LHFPL2: variants seen among roughly 807,000 people sequenced by gnomAD.
The protein encoded by LHFPL2 is LHFPL tetraspan subfamily member 2.
A neutral mutation model predicts 17.5 loss-of-function variants in LHFPL2; 7 were observed. The ratio of observed to expected loss-of-function variants is 0.40; its 90% CI spans 0.23 to 0.75. LHFPL2 has a LOEUF of 0.75. Among genes scored for constraint, LHFPL2 ranks in the 30% least tolerant of loss-of-function variants. The pLI is 0.37. For missense variants in LHFPL2, 241 were observed against 294.8 expected (o/e 0.82, Z 1.34); for synonymous variants, 134 against 116.2 (o/e 1.15, Z -0.99).
At chr5:78,572,498 GTA>G (rs138995749) in intron 2 of LHFPL2, among the ~76,000 whole-genome samples, 69,160 of 146,800 alleles carry the variant, frequency 0.47, 16,496 homozygotes, top group African/African-American at 0.57. Context: ...ATATATGTGT[GTA>G]TATATATATA....
chr5:78,562,477 A>T (rs552545944), intron 3 of LHFPL2, among the ~76,000 whole-genome samples: 1 of 152,296 alleles, frequency 6.6e-6, no homozygotes, highest in East Asian at 1.9e-4. Flanking sequence ...TCTGCTAAAA[A>T]TACAAAAATT....
At chr5:78,562,157 G>T (rs185476921) in intron 3 of LHFPL2, among the ~76,000 whole-genome samples, 1 of 152,272 alleles carries the variant, frequency 6.6e-6, no homozygotes, top group East Asian at 1.9e-4. Flanking sequence ...CGTATCACAC[G>T]CATTCCCATC....
intron 2 of LHFPL2, among the ~76,000 whole-genome samples, chr5:78,613,577 AAATAG>A (rs1744490140): frequency 1.3e-5 from 1 of 74,646 alleles, no homozygotes; most frequent in Admixed American, 1.3e-4. Flanking sequence ...GTCTGGAATA[AAATAG>A]ATGCTAATTA....
chr5:78,560,897 C>T (rs761664380), intron 3 of LHFPL2, among the ~76,000 whole-genome samples: 7 of 152,114 alleles, frequency 4.6e-5, no homozygotes, highest in Non-Finnish European at 8.8e-5. Flanking sequence ...TAGAACAGCA[C>T]TGTGCAATAA....
At chr5:78,517,732 C>T (rs1282302318) in intron 3 of LHFPL2, among the ~76,000 whole-genome samples, 1 of 152,186 alleles carries the variant, frequency 6.6e-6, no homozygotes, top group Non-Finnish European at 1.5e-5. Context: ...GGGTCCCTCC[C>T]ATGACATGTG....
In LHFPL2 at chr5:78,496,147, C is replaced by T. The variant is rs2112296473; in HGVS notation, c.431-6994G>A. 1.3e-5 allele frequency among the ~76,000 whole-genome samples: 2 copies of T among 152,344 alleles called. 1 individual carries two copies. Among genetic ancestry groups the T allele is most frequent in the Middle Eastern group, 6.8e-3 (2 of 294 alleles). On this transcript the variant is annotated intron_variant, in intron 4 of 4. Transcript: ENST00000380345. ...TTATTCAATAGCTGTTTACTGAGGG[C>T]ATTACTCTCAACCCTGATGATACAA...
At chr5:78,495,030 A>G (rs1053170652) in intron 4 of LHFPL2, among the ~76,000 whole-genome samples, 1 of 152,236 alleles carries the variant, frequency 6.6e-6, no homozygotes, top group African/African-American at 2.4e-5. Context: ...GAATCAAATA[A>G]TGGGATATCA....
At chr5:78,521,450 A>C (rs981241542) in intron 3 of LHFPL2, among the ~76,000 whole-genome samples, 1 of 152,256 alleles carries the variant, frequency 6.6e-6, no homozygotes, top group African/African-American at 2.4e-5. Context: ...CTGGTGATTA[A>C]GCTACTGAGA....
intron 3 of LHFPL2, among the ~76,000 whole-genome samples, chr5:78,535,258 C>T (rs553949684): frequency 3.3e-5 from 5 of 152,210 alleles, no homozygotes; most frequent in South Asian, 2.1e-4. Flanking sequence ...TGAGCGCCCA[C>T]GTAGGCAGGG....
chr5:78,514,217 C>T (rs1013959961), intron 3 of LHFPL2, among the ~76,000 whole-genome samples: 12 of 152,044 alleles, frequency 7.9e-5, no homozygotes, highest in African/African-American at 1.9e-4. Context: ...TTCTTCTCTA[C>T]GGGCCACTAA....
rs1240928732 is a variant in LHFPL2, at chr5:78,510,156, C to A, written c.58G>T (p.Val20Leu). ...SMLWTLLSIVVAFAELIAFMS... is the reference protein window; with the variant it reads ...SMLWTLLSIVLAFAELIAFMS... ...AAGGCAATGAGCTCGGCAAAAGCCA[C>A]CACAATACTCAGCAAGGTCCAGAGC... Residue 20 changes from valine (V) to leucine (L), a missense_variant, in exon 4 of 5, where the codon GTG becomes TTG. By Grantham distance (32) the Val-to-Leu change is conservative (BLOSUM62 1). Transcript: ENST00000380345. The A allele has an allele frequency of 6.2e-7, 1 of 1,612,270 alleles. No homozygotes were observed. Among genetic ancestry groups the A allele is most frequent in the Non-Finnish European group, 8.5e-7 (1 of 1,178,890 alleles).
chr5:78,538,943 C>A (rs1354711338), intron 3 of LHFPL2, among the ~76,000 whole-genome samples: 1 of 152,222 alleles, frequency 6.6e-6, no homozygotes, highest in Non-Finnish European at 1.5e-5. Context: ...CTGCAACCTA[C>A]TTCAAATTCC....
chr5:78,647,473 C>T (rs1745924680), intron 1 of LHFPL2, among the ~76,000 whole-genome samples: 1 of 152,178 alleles, frequency 6.6e-6, no homozygotes, highest in South Asian at 2.1e-4. Context: ...TCTGGCTCGC[C>T]GGAATCTTTC....
intron 3 of LHFPL2, among the ~76,000 whole-genome samples, chr5:78,556,992 G>A (rs1326270351): frequency 2.0e-5 from 3 of 151,636 alleles, no homozygotes; most frequent in Non-Finnish European, 4.4e-5. Context: ...AAGTTCTAGG[G>A]TACATGTGCA....
chr5:78,595,547 C>CTG (rs1743793656), intron 2 of LHFPL2, among the ~76,000 whole-genome samples: 1 of 152,172 alleles, frequency 6.6e-6, no homozygotes, highest in Non-Finnish European at 1.5e-5. Context: ...GGGTCTCACT[C>CTG]TGTCACCCAA....
intron 2 of LHFPL2, among the ~76,000 whole-genome samples, chr5:78,592,670 TACACACACACACAC>T (rs371054360): frequency 1.8e-5 from 1 of 55,900 alleles, no homozygotes; most frequent in Admixed American, 1.6e-4. Context: ...AAAATTCAGA[TACACACACACACAC>T]ACACACACAC....
intron 3 of LHFPL2, among the ~76,000 whole-genome samples, chr5:78,513,934 G>A (rs1336570523): frequency 6.6e-6 from 1 of 152,188 alleles, no homozygotes; most frequent in African/African-American, 2.4e-5. Flanking sequence ...AGTTCTCAGG[G>A]TGGCAGGACA....
intron 2 of LHFPL2, among the ~76,000 whole-genome samples, chr5:78,596,001 T>A (rs1159314590): frequency 6.6e-6 from 1 of 152,174 alleles, no homozygotes; most frequent in Non-Finnish European, 1.5e-5. Flanking sequence ...TATTTGTGGA[T>A]TTAAGTTAAA....
intron 2 of LHFPL2, among the ~76,000 whole-genome samples, chr5:78,599,750 G>A (rs1376118755): frequency 2.6e-5 from 4 of 152,142 alleles, no homozygotes; most frequent in Admixed American, 2.6e-4. Flanking sequence ...TTGTGACTTA[G>A]TACAGATAAT....
Sources: gnomAD v4.1 joint callset for allele counts (sites outside exome capture counted in the v4.1 genomes callset) on GRCh38, gnomAD v4.1.1 for gene constraint, MANE v1.5 for transcripts, NCBI Gene and HGNC (gene_info 2026-07-23, HGNC 2026-07-21) for gene names.